Variants in NUP153 observed in about 807,000 individuals in gnomAD.
NUP153 encodes the protein nuclear pore complex protein Nup153.
Under a neutral mutation model 134.6 loss-of-function variants are expected in NUP153, and 27 were observed. That is an observed-to-expected ratio of 0.20 (90% CI 0.15 to 0.28). NUP153 has a LOEUF of 0.28. Among genes scored for constraint, NUP153 ranks in the 10% least tolerant of loss-of-function variants. NUP153 has a pLI of 1.00. For missense variants in NUP153, 1,821 were observed against 1,731.3 expected, an observed-to-expected ratio of 1.05 and a Z score of -0.92; for synonymous variants, 640 against 623.5, an observed-to-expected ratio of 1.03 and a Z score of -0.40.
chr6:17,676,056 C>CT (rs1253520793), intron 2 of NUP153, among the ~76,000 whole-genome samples: 4 of 152,166 alleles, frequency 2.6e-5, no homozygotes, highest in East Asian at 1.9e-4. Context: ...AACCCATTCA[C>CT]TTTTTTGATG....
intron 1 of NUP153, among the ~76,000 whole-genome samples, chr6:17,697,870 T>A (rs13197197): frequency 0.11 from 16,164 of 152,182 alleles, 917 homozygotes; most frequent in Admixed American, 0.13. Flanking sequence ...ATTCTTTTCT[T>A]ATAAACCTTT....
chr6:17,661,775 A>G lies in NUP153; in HGVS notation c.1273T>C (p.Phe425Leu), dbSNP rs1404013890. ...GGCAAACTGAAATTTGGATATGAAA[A>G]GCCACTGGCAAATAAAAAGAAAATT... is the stretch of plus-strand genomic sequence containing the variant. ...GQNREQRESG[F>L]SYPNFSLPAA... Residue 425 changes from phenylalanine (F) to leucine (L), a missense_variant, in exon 11 of 22, where the codon TTT becomes CTT. Transcript: ENST00000262077. The G allele has an allele frequency of 6.2e-7, 1 of 1,610,944 alleles. No homozygotes were observed. Among genetic ancestry groups the G allele is most frequent in the Non-Finnish European group, 8.5e-7 (1 of 1,179,264 alleles).
At chr6:17,623,604 C>T (rs912313661) in intron 20 of NUP153, among the ~76,000 whole-genome samples, 2 of 152,150 alleles carry the variant, frequency 1.3e-5, no homozygotes, top group Admixed American at 1.3e-4. Context: ...TACAGAGTAG[C>T]ATTTCCTAGT....
chr6:17,625,307 C>G lies in NUP153; in HGVS notation c.3902-474G>C, dbSNP rs572948261. The stretch of plus-strand genomic sequence containing the variant: ...ATCTCAGCACTTTGAAAGGCCGAGG[C>G]GGGCAAATCATGAGGTCAGGAATTC... On this transcript the variant is annotated intron_variant, in intron 19 of 21. Coordinates refer to ENST00000262077, the MANE Select transcript of NUP153 (RefSeq NM_005124.4). This position sits in a 1 kb window ranked among gnomAD's most constrained non-coding sequence, Gnocchi z 4.7. 2.6e-5 allele frequency among the ~76,000 whole-genome samples: 4 copies of G among 152,192 alleles called. No homozygotes were observed. In the East Asian group the frequency reaches 7.7e-4, roughly 29 times the overall value.
chr6:17,653,125 C>T (rs1355543122), intron 11 of NUP153, among the ~76,000 whole-genome samples: 1 of 151,984 alleles, frequency 6.6e-6, no homozygotes, highest in East Asian at 1.9e-4. Context: ...TGGCAGTGTC[C>T]GCCTGTAATC....
chr6:17,653,445 T>C (rs1766621878), intron 11 of NUP153, among the ~76,000 whole-genome samples: 1 of 152,090 alleles, frequency 6.6e-6, no homozygotes, highest in Admixed American at 6.6e-5. Flanking sequence ...ACAAACTAAA[T>C]AAAATGTTCA....
At chr6:17,695,386 A>G (rs1184840355) in intron 1 of NUP153, among the ~76,000 whole-genome samples, 1 of 152,230 alleles carries the variant, frequency 6.6e-6, no homozygotes, top group African/African-American at 2.4e-5. Flanking sequence ...GAAACCATCA[A>G]AAACTCAGTG....
intron 2 of NUP153, among the ~76,000 whole-genome samples, chr6:17,684,497 T>C (rs1257697986): frequency 6.6e-6 from 1 of 152,242 alleles, no homozygotes; most frequent in Non-Finnish European, 1.5e-5. Context: ...TTGTAGCTAG[T>C]TTGATCTTCT....
At chr6:17,643,495 A>T (rs1765966199) in intron 14 of NUP153, among the ~76,000 whole-genome samples, 1 of 152,138 alleles carries the variant, frequency 6.6e-6, no homozygotes, top group African/African-American at 2.4e-5. Context: ...CACCAAAAAT[A>T]ACCACCACTC....
In NUP153 at chr6:17,646,333, G is replaced by A. The variant is rs532216158; in HGVS notation, c.1633-179C>T. Among the ~76,000 whole-genome samples, 56 of 151,708 alleles carry A rather than the reference G, an allele frequency of 3.7e-4. No individual in the cohort carries two copies. In the South Asian group the frequency reaches 0.011, roughly 29 times the overall value. On this transcript the variant is annotated intron_variant, in intron 13 of 21. Transcript: ENST00000262077. ...CGCCATTCTCCTGCCTCGGCCTCCC[G>A]AGCAGCTGGGACTACAGGAACTCGC...
Position 17,639,994 on chromosome 6 carries a change from A to G in NUP153, c.1791T>C (p.Phe597=), listed in dbSNP as rs769689036. Residue 597 remains phenylalanine, a synonymous_variant, in exon 15 of 22, where the codon TTT becomes TTC. Coordinates refer to ENST00000262077, the MANE Select transcript of NUP153 (RefSeq NM_005124.4). ...KTPPEDCEGP[F]RPAEILKEGS... ...CTTCTTTCAGGATTTCTGCAGGTCT[A>G]AAAGGACCCTCACAATCTTCAGGTG... 1.2e-6 allele frequency: 2 copies of G among 1,612,462 alleles called. No homozygotes were observed. The highest frequency in any genetic ancestry group is 2.7e-5 in the African/African-American group (2 of 75,026).
chr6:17,685,548 CAAAAA>C (rs71536744), intron 2 of NUP153, among the ~76,000 whole-genome samples: 1 of 98,640 alleles, frequency 1.0e-5, no homozygotes, highest in African/African-American at 4.0e-5. Flanking sequence ...GACTCCGTCT[CAAAAA>C]AAAAAAAAAA....
At chr6:17,678,417 T>C (rs1266634172) in intron 2 of NUP153, among the ~76,000 whole-genome samples, 1 of 144,268 alleles carries the variant, frequency 6.9e-6, no homozygotes, top group Middle Eastern at 3.7e-3. Context: ...GTTAAGGAAG[T>C]AACAGTTTCT....
rs182214509 is a variant in NUP153 at position 17,688,434 on chromosome 6, C to T, written c.296G>A (p.Gly99Glu). 4 of 1,614,072 alleles carry T rather than the reference C, an allele frequency of 2.5e-6. No individual in the cohort carries two copies. The highest frequency in any genetic ancestry group is 1.7e-5 in the Admixed American group (1 of 60,000). Residue 99 changes from glycine to glutamate, a missense_variant, in exon 2 of 22, where the codon GGG becomes GAG. By Grantham distance (98) the Gly-to-Glu change is moderately conservative (BLOSUM62 -2). Transcript: ENST00000262077. ...ADEESSNITD[G>E]RITPEPAVSN... is the part of the protein sequence containing the mutation. ...GACTGCTGGCTCAGGTGTGATTCTC[C>T]CATCAGTAATATTAGAGCTCTCCTC...
At chr6:17,626,991 C>T (rs1303890227) in intron 18 of NUP153, among the ~76,000 whole-genome samples, 1 of 152,190 alleles carries the variant, frequency 6.6e-6, no homozygotes, top group Non-Finnish European at 1.5e-5. Flanking sequence ...ATGAGACATG[C>T]TGATTTGAAG....
rs1765698920 is a variant in NUP153, at chr6:17,638,926, T to C, written c.1846+1013A>G. On this transcript the variant is annotated intron_variant, in intron 15 of 21. Transcript: ENST00000262077. The surrounding 1 kb of genome is among the most constrained non-coding windows in gnomAD (Gnocchi z 4.0). ...AATGAGAGAGCTGGACCAGAAAAAT[T>C]GAATCCTCCTAAATCCTGTTGTAAA... Among the ~76,000 whole-genome samples, 1 of 152,208 alleles carries C rather than the reference T, an allele frequency of 6.6e-6. No individual in the cohort carries two copies. The highest frequency in any genetic ancestry group is 2.4e-5 in the African/African-American group (1 of 41,454).
Position 17,615,834 on chromosome 6 carries a change from A to C in NUP153, c.*263T>G. On this transcript the variant is annotated 3_prime_UTR_variant, in exon 22 of 22. Coordinates refer to ENST00000262077, the MANE Select transcript of NUP153 (RefSeq NM_005124.4). This position sits in a 1 kb window ranked among gnomAD's most constrained non-coding sequence, Gnocchi z 5.7. The stretch of plus-strand genomic sequence containing the variant: ...CTCCATTCCTGGGTACAGCCAGACT[A>C]TGTCAAATCAGTGAATAATCTGCTG... The C allele has an allele frequency of 5.1e-6, 2 of 393,404 alleles. No homozygotes were observed. Among genetic ancestry groups the C allele is most frequent in the Non-Finnish European group, 9.2e-6 (2 of 218,342 alleles). The allele number at this position is 393,404 out of a possible 1,614,324, so 24.4% of individuals were successfully genotyped here.
intron 2 of NUP153, among the ~76,000 whole-genome samples, chr6:17,685,526 G>A (rs1768869660): frequency 1.3e-5 from 2 of 148,226 alleles, no homozygotes; most frequent in African/African-American, 5.0e-5. Context: ...TCCAGCCTGG[G>A]CAACAGAGCA....
intron 8 of NUP153, among the ~76,000 whole-genome samples, chr6:17,667,490 G>A (rs568867251): frequency 2.0e-5 from 3 of 152,240 alleles, no homozygotes; most frequent in South Asian, 4.1e-4. Flanking sequence ...CGAGGCGGGC[G>A]GATCACGAGG....
Sources: allele counts gnomAD v4.1 joint callset (sites outside exome capture counted in the v4.1 genomes callset), GRCh38; gene constraint gnomAD v4.1.1; non-coding constraint Gnocchi (gnomAD v3.1); transcripts MANE v1.5; gene names NCBI Gene and HGNC (gene_info 2026-07-23, HGNC 2026-07-21).